SCAP: variants seen among roughly 807,000 people sequenced by gnomAD.
The protein encoded by SCAP is SREBF chaperone.
In SCAP, 65 loss-of-function variants were observed where a neutral mutation model predicts 123.6. The observed-to-expected ratio is 0.53, with a 90% CI of 0.43 to 0.65. SCAP has a LOEUF of 0.65. Among genes scored for constraint, SCAP ranks in the 30% least tolerant of loss-of-function variants. SCAP has a pLI of 0.00. For synonymous variants in SCAP, 740 were observed against 726.3 expected (o/e 1.02, Z -0.30); for missense variants, 1,398 against 1,712.5 (o/e 0.82, Z 3.24).
In SCAP at chr3:47,451,358, T is replaced by A. The variant is rs571101163; in HGVS notation, c.-98-8267A>T. ...TCAATTATAAAAGTAAAAATATACA[T>A]GTTTATATTCAAATATTCAAACAGT... On this transcript the variant is annotated intron_variant, in intron 1 of 22. Transcript: ENST00000265565. 1.3e-4 allele frequency among the ~76,000 whole-genome samples: 15 copies of A among 117,218 alleles called. 5 individuals carry two copies. The South Asian group carries it at 4.6e-3, about 36-fold the overall frequency. 76.9% of individuals were successfully genotyped at this position (117,218 alleles called of 152,430 possible).
rs1705452599 is a variant in SCAP at position 47,414,176 on chromosome 3, C to G, written c.3594+4G>C. ...AAGAATCCTATGATCCCCATCCCCTCTACCTGCTGAATGGAGTAGAACTTG... is the reference window on the plus strand; with the variant it reads ...AAGAATCCTATGATCCCCATCCCCTGTACCTGCTGAATGGAGTAGAACTTG... On this transcript the variant is annotated splice_donor_region_variant and intron_variant, in intron 22 of 22. Coordinates refer to ENST00000265565, the MANE Select transcript of SCAP (RefSeq NM_012235.4). 3 of 1,613,612 alleles carry G rather than the reference C, an allele frequency of 1.9e-6. No homozygotes were observed. The South Asian group carries it at 3.3e-5, about 18-fold the overall frequency.
intron 18 of SCAP, among the ~76,000 whole-genome samples, chr3:47,416,413 A>C (rs1559536419): frequency 6.6e-6 from 1 of 152,202 alleles, no homozygotes; most frequent in African/African-American, 2.4e-5. Context: ...AGGAGAAGAG[A>C]GGGTTCTGCA....
chr3:47,445,481 G>C (rs1413376392), intron 1 of SCAP, among the ~76,000 whole-genome samples: 1 of 151,730 alleles, frequency 6.6e-6, no homozygotes, highest in Admixed American at 6.6e-5. Flanking sequence ...CTCCTAACCA[G>C]GTGATCCACC....
rs146031236 is a variant in SCAP, at chr3:47,427,164, G to A, written c.730C>T (p.His244Tyr). The change falls in exon 6 of 23, where the codon CAT becomes TAT. Residue 244 changes from histidine (H) to tyrosine (Y), a missense_variant. This residue lies in a region of SCAP where 319 missense variants were observed against 432.4 expected (regional missense o/e 0.74). Transcript: ENST00000265565. Reference sequence around the variant, plus strand: ...GGGTACTGTCAATCTTACTTGGCATGGTAGTGCTGGAAGACCAGGGTGATG... The same window carrying A: ...GGGTACTGTCAATCTTACTTGGCATAGTAGTGCTGGAAGACCAGGGTGATG... ...YTITLVFQHY[H>Y]AKFLGSLRAR... 1.2e-6 allele frequency: 2 copies of A among 1,611,726 alleles called. No individual in the cohort carries two copies. The highest frequency in any genetic ancestry group is 1.3e-5 in the African/African-American group (1 of 74,870).
At chr3:47,422,801 G>A in intron 9 of SCAP, 1 of 346,722 alleles carries the variant, frequency 2.9e-6, no homozygotes, top group South Asian at 9.5e-5. Flanking sequence ...AAAGAGGGAA[G>A]AAGCAGAGTG....
chr3:47,473,166 T>G (rs1260012540), intron 1 of SCAP, among the ~76,000 whole-genome samples: 1 of 151,038 alleles, frequency 6.6e-6, no homozygotes. Flanking sequence ...AAATCTCAGT[T>G]TGCACACAAC....
chr3:47,428,903 G>T (rs977700790), intron 3 of SCAP: 1 of 463,098 alleles, frequency 2.2e-6, no homozygotes, highest in Non-Finnish European at 3.8e-6. Flanking sequence ...AAATAAGCTG[G>T]AACCAAGATG....
At position 47,415,080 on chromosome 3, in the gene SCAP, C is replaced by A; in HGVS notation, c.3139+18G>T. 6.3e-7 allele frequency: 1 copy of A among 1,589,300 alleles called. No individual in the cohort carries two copies. The highest frequency in any genetic ancestry group is 1.8e-5 in the Admixed American group (1 of 54,274). On this transcript the variant is annotated intron_variant, in intron 19 of 22. Transcript: ENST00000265565. ...GTCCCACCAAGTGTGAACACCTGCC[C>A]ACCCCAGGCCCTCCGACCTCTAAAC... is the stretch of plus-strand genomic sequence containing the variant.
chr3:47,451,319 A>G (rs1418742983), intron 1 of SCAP, among the ~76,000 whole-genome samples: 1 of 122,490 alleles, frequency 8.2e-6, no homozygotes, highest in Admixed American at 9.1e-5. Context: ...ATGAGCCCCA[A>G]TGCTGACTAT....
intron 1 of SCAP, among the ~76,000 whole-genome samples, chr3:47,460,244 G>A (rs1576309640): frequency 3.9e-5 from 6 of 152,238 alleles, no homozygotes; most frequent in Non-Finnish European, 1.5e-5. Flanking sequence ...CTGAGGTGAC[G>A]TACATCCTCA....
intron 3 of SCAP, among the ~76,000 whole-genome samples, chr3:47,433,035 G>A (rs1369179969): frequency 2.0e-5 from 3 of 152,208 alleles, no homozygotes; most frequent in Admixed American, 2.0e-4. Flanking sequence ...CTGTTGGGAA[G>A]ACCAAAAGTG....
At chr3:47,424,231 T>C (rs1368847946) in intron 8 of SCAP, among the ~76,000 whole-genome samples, 186 bp from the exon 9 acceptor site, 1 of 152,206 alleles carries the variant, frequency 6.6e-6, no homozygotes, top group Non-Finnish European at 1.5e-5. Flanking sequence ...AGCACTCAGC[T>C]TTCAGGCAGG....
chr3:47,455,379 G>C (rs910390962), intron 1 of SCAP, among the ~76,000 whole-genome samples: 1 of 151,534 alleles, frequency 6.6e-6, no homozygotes, highest in Non-Finnish European at 1.5e-5. Flanking sequence ...CAGATCACCT[G>C]AAGTCAGGAG....
At chr3:47,459,866 T>C (rs1270639293) in intron 1 of SCAP, among the ~76,000 whole-genome samples, 1 of 152,176 alleles carries the variant, frequency 6.6e-6, no homozygotes, top group East Asian at 1.9e-4. Flanking sequence ...CTAGTAAGCC[T>C]GAGGGTACTG....
At chr3:47,447,441 G>C (rs969471432) in intron 1 of SCAP, among the ~76,000 whole-genome samples, 2 of 152,140 alleles carry the variant, frequency 1.3e-5, no homozygotes, top group African/African-American at 4.8e-5. Flanking sequence ...TGTAATCCTA[G>C]AACTTGGTGA....
intron 3 of SCAP, among the ~76,000 whole-genome samples, chr3:47,433,631 C>T (rs1706453566): frequency 6.6e-6 from 1 of 152,210 alleles, no homozygotes; most frequent in Non-Finnish European, 1.5e-5. Flanking sequence ...CTTTGGGAGG[C>T]TGAGGCAGGT....
In SCAP at chr3:47,425,574, G is replaced by A. The variant is rs1224234272; in HGVS notation, c.948C>T (p.Ala316=). ...IDMVKSKWGL[A]LAAVVTVLSS... ...TGAGCACTGTGACCACGGCAGCCAGGGCCAGCCCCCACTTGGACTTGACCA... is the reference window on the plus strand; with the variant it reads ...TGAGCACTGTGACCACGGCAGCCAGAGCCAGCCCCCACTTGGACTTGACCA... The change falls in exon 8 of 23, where the codon GCC becomes GCT. Residue 316 remains alanine (A), a synonymous_variant. Transcript: ENST00000265565. The A allele has an allele frequency of 1.2e-6, 2 of 1,614,120 alleles. No homozygotes were observed. The highest frequency in any genetic ancestry group is 1.3e-5 in the African/African-American group (1 of 75,070).
Position 47,418,379 on chromosome 3 carries a change from T to C in SCAP, c.2273A>G (p.Tyr758Cys). The C allele has an allele frequency of 6.4e-7, 1 of 1,573,828 alleles. No individual in the cohort carries two copies. Among genetic ancestry groups the C allele is most frequent in the Non-Finnish European group, 8.6e-7 (1 of 1,162,984 alleles). Residue 758 changes from tyrosine (Y) to cysteine (C), a missense_variant, in exon 15 of 23, where the codon TAC becomes TGC. By Grantham distance (194) the Tyr-to-Cys change is radical (BLOSUM62 -2). Around this residue, in one of 7 missense-constraint regions of SCAP, gnomAD observed 828 missense variants for 882.5 expected, o/e 0.94. Transcript: ENST00000265565. ...RRRGELPCDD[Y>C]GYAPPETEIV... is the part of the protein sequence containing the mutation. ...CTCCGTCTCGGGTGGCGCATAGCCG[T>C]AGTCGTCGCAGGGCAGCTCCCCGCG...
intron 1 of SCAP, among the ~76,000 whole-genome samples, chr3:47,462,610 G>A (rs145723399): frequency 0.037 from 5,689 of 151,930 alleles, 359 homozygotes; most frequent in African/African-American, 0.13. Flanking sequence ...AAAATTAGCC[G>A]GGCGTGGTGG....
Sources: gnomAD v4.1 joint callset for allele counts (sites outside exome capture counted in the v4.1 genomes callset) on GRCh38, gnomAD v4.1.1 for gene constraint, gnomAD v4.1.1 regional missense constraint, MANE v1.5 for transcripts, NCBI Gene and HGNC (gene_info 2026-07-23, HGNC 2026-07-21) for gene names.